Variants in SSRP1 observed in about 807,000 individuals in gnomAD.
SSRP1 encodes structure specific recognition protein 1, also known as FACT complex subunit SSRP1.
SSRP1 carries 21 observed loss-of-function variants against 84.4 expected under a neutral mutation model. That is an observed-to-expected ratio of 0.25 (90% CI 0.18 to 0.36). SSRP1 has a LOEUF of 0.36. SSRP1 is among the 10% of genes least tolerant of loss of function. The probability of loss-of-function intolerance (pLI) is 1.00; values close to 1 mark genes in which losing one functional copy is unlikely to be tolerated. For synonymous variants in SSRP1, 319 were observed against 318.3 expected (o/e 1.00, Z -0.02); for missense variants, 519 against 900.8 (o/e 0.58, Z 5.43).
intron 12 of SSRP1, 135 bp from the exon 13 acceptor site, chr11:57,328,561 A>T: frequency 8.0e-7 from 1 of 1,249,292 alleles, no homozygotes; most frequent in Non-Finnish European, 1.1e-6. Context: ...AGTATCCACC[A>T]CCAATCCCCA....
chr11:57,327,833 T>C lies in SSRP1; in HGVS notation c.1661A>G (p.Tyr554Cys). ...PNAPKRPMSAYMLWLNASREK... is the reference protein window; with the variant it reads ...PNAPKRPMSACMLWLNASREK... ...TCGGCTGGCATTGAGCCACAGCATG[T>C]ATGCAGACATGGGCCTCTTGGGGGC... The change falls in exon 14 of 17, where the codon TAC becomes TGC. Residue 554 changes from tyrosine (Y) to cysteine (C), a missense_variant. Around this residue, in one of 7 missense-constraint regions of SSRP1, gnomAD observed 197 missense variants for 265.0 expected, o/e 0.74. Transcript: ENST00000278412. 2 of 1,614,178 alleles carry C rather than the reference T, an allele frequency of 1.2e-6. No individual in the cohort carries two copies.
chr11:57,329,848 C>G, intron 12 of SSRP1: 1 of 587,016 alleles, frequency 1.7e-6, no homozygotes, highest in African/African-American at 1.9e-5. Flanking sequence ...GAACCAGCCC[C>G]AACTGGCACA....
intron 3 of SSRP1, among the ~76,000 whole-genome samples, chr11:57,333,784 T>C (rs1590611373): frequency 6.6e-6 from 1 of 152,204 alleles, no homozygotes; most frequent in East Asian, 1.9e-4. Context: ...ATTACTTTAA[T>C]GAAAGTGGAA....
Position 57,334,938 on chromosome 11 carries a change from C to T in SSRP1, c.54+130G>A, listed in dbSNP as rs372940891. 3,779 of 1,072,070 alleles carry T rather than the reference C, an allele frequency of 3.5e-3. 135 individuals are homozygous for T. The South Asian group carries it at 0.047, about 13-fold the overall frequency. 66.4% of individuals were successfully genotyped at this position (1,072,070 alleles called of 1,614,324 possible). On this transcript the variant is annotated intron_variant, in intron 2 of 16. Coordinates refer to ENST00000278412, the MANE Select transcript of SSRP1 (RefSeq NM_003146.3). Reference sequence around the variant, plus strand: ...CAGTATTGCCTTGAGTTGGTGGAGACACTAGGTACACATTATACTGAGTCT... The same window carrying T: ...CAGTATTGCCTTGAGTTGGTGGAGATACTAGGTACACATTATACTGAGTCT...
At chr11:57,326,653 C>A in intron 16 of SSRP1, 50 bp downstream of exon 16, 1 of 1,597,722 alleles carries the variant, frequency 6.3e-7, no homozygotes. Context: ...CACACAGACA[C>A]ACATGCCCCT....
Position 57,334,309 on chromosome 11 carries a change from G to A in SSRP1, c.240+154C>T, listed in dbSNP as rs74417368. Among the ~76,000 whole-genome samples the A allele has an allele frequency of 7.6e-3, 1,153 of 152,352 alleles. 9 individuals are homozygous for A. Among genetic ancestry groups the A allele is most frequent in the Non-Finnish European group, 0.012 (834 of 68,036 alleles). On this transcript the variant is annotated intron_variant, in intron 3 of 16. Transcript: ENST00000278412. ...AATTCACAAGACTTCAACGCTCAAA[G>A]CCAAACACTGATTGCCTGATGGCCT...
rs367675662 is a variant in SSRP1 at position 57,331,907 on chromosome 11, G to C, written c.1002-18C>G. On this transcript the variant is annotated intron_variant, in intron 8 of 16. Transcript: ENST00000278412. ...CTGAGTGCCTGACAGAGGGTGCAGG[G>C]AGCCTGGTTAGTGCCAACCTCAGCA... 5 of 1,602,862 alleles carry C rather than the reference G, an allele frequency of 3.1e-6. No individual in the cohort carries two copies. The South Asian group carries it at 5.6e-5, about 18-fold the overall frequency.
chr11:57,335,129 C>T lies in SSRP1; in HGVS notation c.-8G>A. ...CTCCAGTGTCTCTGCCATGTCGACC[C>T]CTGCCTGTGGTGGCCTGGGCAGAGC... is the stretch of plus-strand genomic sequence containing the variant. On this transcript the variant is annotated 5_prime_UTR_variant, in exon 2 of 17. Coordinates refer to ENST00000278412, the MANE Select transcript of SSRP1 (RefSeq NM_003146.3). This position sits in a 1 kb window ranked among gnomAD's most constrained non-coding sequence, Gnocchi z 4.6. 3 of 1,614,056 alleles carry T rather than the reference C, an allele frequency of 1.9e-6. No homozygotes were observed. Among genetic ancestry groups the T allele is most frequent in the South Asian group, 2.2e-5 (2 of 91,060 alleles).
chr11:57,331,447 GT>G (rs1244816922), intron 9 of SSRP1, among the ~76,000 whole-genome samples: 1 of 151,778 alleles, frequency 6.6e-6, no homozygotes, highest in African/African-American at 2.4e-5. Context: ...TACGGAAAAA[GT>G]TTTTTTTGTT....
At chr11:57,327,174 G>A in intron 15 of SSRP1, 1 of 659,598 alleles carries the variant, frequency 1.5e-6, no homozygotes, top group Non-Finnish European at 2.5e-6. Flanking sequence ...CTCCATAATA[G>A]TATTTTTTTC....
At chr11:57,331,050 C>T (rs1252896306) in intron 9 of SSRP1, 123 bp from the exon 10 acceptor site, 12 of 1,048,956 alleles carry the variant, frequency 1.1e-5, no homozygotes, top group Non-Finnish European at 1.6e-5. Flanking sequence ...CTATGCTACC[C>T]AACCCAACAG....
Position 57,328,390 on chromosome 11 carries a change from A to G in SSRP1, c.1518T>C (p.Asn506=), listed in dbSNP as rs750924077. Residue 506 remains asparagine (N), a synonymous_variant, in exon 13 of 17, where the codon AAT becomes AAC. Coordinates refer to ENST00000278412, the MANE Select transcript of SSRP1 (RefSeq NM_003146.3). The part of the protein sequence containing the change: ...DSNASASSSS[N]EGDSDRDEKK... Reference sequence around the variant, plus strand: ...TCTCATCCCGGTCACTGTCACCCTCATTACTGGAGGAGCTGGCAGAGGCGT... The same window carrying G: ...TCTCATCCCGGTCACTGTCACCCTCGTTACTGGAGGAGCTGGCAGAGGCGT... The G allele has an allele frequency of 1.2e-6, 2 of 1,614,052 alleles. No individual in the cohort carries two copies. The highest frequency in any genetic ancestry group is 1.1e-5 in the South Asian group (1 of 91,078).
At position 57,330,990 on chromosome 11, in the gene SSRP1, A is replaced by G; in HGVS notation, c.1224-63T>C. On this transcript the variant is annotated intron_variant, in intron 9 of 16. Transcript: ENST00000278412. The surrounding 1 kb of genome is among the most constrained non-coding windows in gnomAD (Gnocchi z 4.0). ...TGCCAACACAGGGGCACACTAAACA[A>G]TGTTCTGATTCCATGAGCTGGGGTA... is the stretch of plus-strand genomic sequence containing the variant. 6.4e-7 allele frequency: 1 copy of G among 1,563,160 alleles called. No individual in the cohort carries two copies. Among genetic ancestry groups the G allele is most frequent in the Non-Finnish European group, 8.8e-7 (1 of 1,134,504 alleles).
intron 4 of SSRP1, 128 bp from the exon 5 acceptor site, chr11:57,333,277 C>A: frequency 8.4e-7 from 1 of 1,184,410 alleles, no homozygotes; most frequent in South Asian, 1.4e-5. Flanking sequence ...AACCCCAACC[C>A]CAGGCAGTAT....
intron 12 of SSRP1, 152 bp from the exon 13 acceptor site, chr11:57,328,578 C>A: frequency 9.1e-7 from 1 of 1,094,536 alleles, no homozygotes; most frequent in South Asian, 1.7e-5. Flanking sequence ...CCCAACACTG[C>A]TTTCTCCCAT....
Position 57,330,480 on chromosome 11 carries a change from C to G in SSRP1, c.1297-51G>C, listed in dbSNP as rs754089672. 3.1e-6 allele frequency: 5 copies of G among 1,606,056 alleles called. No homozygotes were observed. The highest frequency in any genetic ancestry group is 4.2e-6 in the Non-Finnish European group (5 of 1,177,426). ...GGCCAACTCACCCTCGAGCCAGAAT[C>G]CCTGCACACTCAAAAGCACACCCCC... is the stretch of plus-strand genomic sequence containing the variant. On this transcript the variant is annotated intron_variant, in intron 10 of 16. Transcript: ENST00000278412. This position sits in a 1 kb window ranked among gnomAD's most constrained non-coding sequence, Gnocchi z 4.0.
rs780681897 is a variant in SSRP1 at position 57,328,415 on chromosome 11, T to C, written c.1493A>G (p.Asn498Ser). The C allele has an allele frequency of 2.0e-5, 32 of 1,613,968 alleles. No individual in the cohort carries two copies. The highest frequency in any genetic ancestry group is 2.5e-5 in the Non-Finnish European group (30 of 1,180,022). ...ATTACTGGAGGAGCTGGCAGAGGCG[T>C]TGCTGTCAAACCTGCCAGAGAACAA... ...EEDVAEEFDS[N>S]ASASSSSNEG... The change falls in exon 13 of 17, where the codon AAC becomes AGC. Residue 498 changes from asparagine (N) to serine (S), a missense_variant. Asn to Ser is a conservative substitution (Grantham distance 46, BLOSUM62 1). Coordinates refer to ENST00000278412, the MANE Select transcript of SSRP1 (RefSeq NM_003146.3).
intron 2 of SSRP1, 54 bp from the exon 3 acceptor site, chr11:57,334,702 T>A (rs1332592991): frequency 7.5e-6 from 12 of 1,589,734 alleles, no homozygotes; most frequent in Non-Finnish European, 9.4e-6. Flanking sequence ...ATGTCCTGGG[T>A]TCTACAGCTC....
intron 12 of SSRP1, 147 bp from the exon 13 acceptor site, chr11:57,328,573 C>T: frequency 8.8e-7 from 1 of 1,142,370 alleles, no homozygotes; most frequent in East Asian, 2.6e-5. Context: ...CAATCCCCAA[C>T]ACTGCTTTCT....
Sources: allele counts gnomAD v4.1 joint callset (sites outside exome capture counted in the v4.1 genomes callset), GRCh38; gene constraint gnomAD v4.1.1; regional missense constraint gnomAD v4.1.1; non-coding constraint Gnocchi (gnomAD v3.1); transcripts MANE v1.5; gene names NCBI Gene and HGNC (gene_info 2026-07-23, HGNC 2026-07-21).